MICU1: variants seen among roughly 807,000 people sequenced by gnomAD.
MICU1 encodes the protein mitochondrial calcium uptake 1, also known as calcium uptake protein 1, mitochondrial.
MICU1 carries 45 observed loss-of-function variants against 56.8 expected under a neutral mutation model. That is an observed-to-expected ratio of 0.79 (90% CI 0.62 to 1.02). The LOEUF (loss-of-function observed/expected upper bound fraction) is 1.02. Ranked by LOEUF, MICU1 falls within the 50% of genes least tolerant of loss-of-function variation. The pLI is 0.00. For missense variants in MICU1, 504 were observed against 587.1 expected (o/e 0.86, Z 1.46); for synonymous variants, 186 against 195.1 (o/e 0.95, Z 0.39).
At chr10:72,408,984 C>T (rs1863720594) in intron 9 of MICU1, among the ~76,000 whole-genome samples, 1 of 151,986 alleles carries the variant, frequency 6.6e-6, no homozygotes. Flanking sequence ...ATCTCTAATT[C>T]CACTTTCTAT....
At chr10:72,391,007 G>A (rs1295808851) in intron 10 of MICU1, among the ~76,000 whole-genome samples, 2 of 152,158 alleles carry the variant, frequency 1.3e-5, no homozygotes, top group South Asian at 2.1e-4. Context: ...TTGACTAATC[G>A]TTCACCACAT....
intron 8 of MICU1, among the ~76,000 whole-genome samples, chr10:72,464,483 T>A (rs530669689): frequency 2.0e-5 from 3 of 152,248 alleles, no homozygotes; most frequent in African/African-American, 7.2e-5. Context: ...CTAAATGCTT[T>A]ATGTTTTTCT....
intron 1 of MICU1, among the ~76,000 whole-genome samples, chr10:72,600,898 A>G (rs913196501): frequency 1.7e-4 from 26 of 152,188 alleles, no homozygotes; most frequent in Non-Finnish European, 3.2e-4. Context: ...GAACTACTGT[A>G]AACAGCATAA....
chr10:72,527,508 A>G (rs1040177900), intron 5 of MICU1, among the ~76,000 whole-genome samples: 4 of 152,052 alleles, frequency 2.6e-5, no homozygotes, highest in Non-Finnish European at 2.9e-5. Flanking sequence ...AACTATAGGC[A>G]TGCATCACCA....
At chr10:72,411,741 G>A (rs962882801) in intron 9 of MICU1, among the ~76,000 whole-genome samples, 8 of 152,096 alleles carry the variant, frequency 5.3e-5, no homozygotes, top group African/African-American at 1.7e-4. Context: ...GAGGAAATGT[G>A]TCCCACTCTG....
chr10:72,521,034 G>T (rs1211277646), intron 5 of MICU1, among the ~76,000 whole-genome samples: 2 of 152,064 alleles, frequency 1.3e-5, no homozygotes, highest in African/African-American at 4.8e-5. Flanking sequence ...ATGCTAAAAA[G>T]AAAGTCCTGA....
intron 9 of MICU1, among the ~76,000 whole-genome samples, chr10:72,420,147 C>T (rs1864109929): frequency 6.6e-6 from 1 of 152,186 alleles, no homozygotes; most frequent in Admixed American, 6.5e-5. Context: ...GCAACCTCTG[C>T]CTCCTGGGTT....
At chr10:72,590,575 C>T (rs1055086895) in intron 1 of MICU1, among the ~76,000 whole-genome samples, 1 of 152,004 alleles carries the variant, frequency 6.6e-6, no homozygotes, top group African/African-American at 2.4e-5. Context: ...CTTTGGGAGG[C>T]CGAGGTGGGC....
In MICU1 at chr10:72,471,447, T is replaced by C. The variant is rs115254204; in HGVS notation, c.933+3653A>G. On this transcript the variant is annotated intron_variant, in intron 8 of 11. Transcript: ENST00000361114. ...ATCTCAGTATGCAAGACAAAAGTCC[T>C]ATGCTCTGTTTCTCTAGGCTCTCAT... Among the ~76,000 whole-genome samples the C allele has an allele frequency of 2.8e-3, 428 of 152,344 alleles. 3 individuals are homozygous for C. Among genetic ancestry groups the C allele is most frequent in the African/African-American group, 9.7e-3 (403 of 41,586 alleles).
At chr10:72,538,218 A>C (rs4601686) in intron 4 of MICU1, among the ~76,000 whole-genome samples, 95,105 of 151,838 alleles carry the variant, frequency 0.63, 31,301 homozygotes, top group African/African-American at 0.72. Flanking sequence ...TTAAAAATCA[A>C]CACAAACAAA....
chr10:72,553,589 C>G (rs1311101781), intron 3 of MICU1, among the ~76,000 whole-genome samples: 1 of 151,872 alleles, frequency 6.6e-6, no homozygotes, highest in Non-Finnish European at 1.5e-5. Flanking sequence ...ACAACAACAA[C>G]AAAAAAGAAA....
chr10:72,504,985 T>TTATTAA (rs1867197034), intron 6 of MICU1, among the ~76,000 whole-genome samples: 1 of 151,564 alleles, frequency 6.6e-6, no homozygotes, highest in Admixed American at 6.6e-5. Context: ...ATTATTATTA[T>TTATTAA]TTTCGAGATG....
intron 8 of MICU1, among the ~76,000 whole-genome samples, chr10:72,455,560 G>T (rs927946240): frequency 1.3e-5 from 2 of 152,044 alleles, no homozygotes; most frequent in Non-Finnish European, 2.9e-5. Context: ...ATGTATCACA[G>T]TGGGAATTTC....
chr10:72,491,776 G>A (rs1029428674), intron 6 of MICU1, among the ~76,000 whole-genome samples: 4 of 151,928 alleles, frequency 2.6e-5, no homozygotes, highest in Non-Finnish European at 5.9e-5. Flanking sequence ...TTCATTATAA[G>A]AATCTAATAT....
intron 9 of MICU1, among the ~76,000 whole-genome samples, chr10:72,420,873 G>A (rs768436873): frequency 1.3e-5 from 2 of 149,670 alleles, no homozygotes; most frequent in African/African-American, 4.9e-5. Flanking sequence ...ACAAGGTTTC[G>A]CCACTTTGCC....
At chr10:72,603,583 T>A (rs1046472550) in intron 1 of MICU1, among the ~76,000 whole-genome samples, 8 of 151,840 alleles carry the variant, frequency 5.3e-5, no homozygotes, top group African/African-American at 1.9e-4. Context: ...TTTGGATGGA[T>A]CACCTGAGGT....
At position 72,424,710 on chromosome 10, in the gene MICU1, A is replaced by C. The variant is rs1311024983; in HGVS notation, c.934-1339T>G. Among the ~76,000 whole-genome samples the C allele has an allele frequency of 2.0e-5, 3 of 152,174 alleles. No individual in the cohort carries two copies. In the East Asian group the frequency reaches 5.8e-4, roughly 29 times the overall value. On this transcript the variant is annotated intron_variant, in intron 8 of 11. Transcript: ENST00000361114. ...AGTAACATGCAGCTACATGTGACAG[A>C]GCTGGGATTTGAACTCAGCCTTATT...
At chr10:72,452,698 T>C (rs999915386) in intron 8 of MICU1, among the ~76,000 whole-genome samples, 5 of 152,198 alleles carry the variant, frequency 3.3e-5, no homozygotes, top group African/African-American at 9.7e-5. Context: ...TCTATGATGT[T>C]TGCACACTGA....
At chr10:72,501,109 G>C in intron 6 of MICU1, among the ~76,000 whole-genome samples, 1 of 152,134 alleles carries the variant, frequency 6.6e-6, no homozygotes, top group East Asian at 1.9e-4. Context: ...TTTTATTAAT[G>C]AGTAGTTATC....
Sources: allele counts gnomAD v4.1 joint callset (sites outside exome capture counted in the v4.1 genomes callset), GRCh38; gene constraint gnomAD v4.1.1; transcripts MANE v1.5; gene names NCBI Gene and HGNC (gene_info 2026-07-23, HGNC 2026-07-21).